Variants in NAA35 observed in about 807,000 individuals in gnomAD.
The protein encoded by NAA35 is MAK10 homolog, amino-acid N-acetyltransferase subunit.
A neutral mutation model predicts 101.7 loss-of-function variants in NAA35; 18 were observed. The observed-to-expected ratio is 0.18, with a 90% CI of 0.12 to 0.26. The LOEUF (loss-of-function observed/expected upper bound fraction) is 0.26. NAA35 is among the 10% of genes least tolerant of loss of function. The pLI, the probability that NAA35 is intolerant of heterozygous loss-of-function variation, is 1.00. For synonymous variants in NAA35, 267 were observed against 273.1 expected (o/e 0.98, Z 0.22); for missense variants, 601 against 886.8 (o/e 0.68, Z 4.09).
intron 21 of NAA35, among the ~76,000 whole-genome samples, chr9:86,020,612 G>A (rs1354957216): frequency 1.3e-5 from 2 of 152,150 alleles, no homozygotes; most frequent in African/African-American, 4.8e-5. Flanking sequence ...GGGAGGCCAG[G>A]GTGGGAGGTC....
intron 2 of NAA35, among the ~76,000 whole-genome samples, chr9:85,952,654 A>AT (rs145927233): frequency 3.3e-5 from 5 of 151,348 alleles, no homozygotes; most frequent in African/African-American, 1.2e-4. Flanking sequence ...TCTGCTTCCC[A>AT]TTTTTTTCAA....
At chr9:85,962,966 A>G (rs1028099391) in intron 6 of NAA35, among the ~76,000 whole-genome samples, 1 of 152,176 alleles carries the variant, frequency 6.6e-6, no homozygotes, top group Non-Finnish European at 1.5e-5. Flanking sequence ...CTTTAGTATA[A>G]AAAATAAGCT....
chr9:85,989,044 G>C (rs1310082015), intron 11 of NAA35, among the ~76,000 whole-genome samples: 1 of 152,172 alleles, frequency 6.6e-6, no homozygotes, highest in Non-Finnish European at 1.5e-5. Flanking sequence ...AGGATAAATT[G>C]ATAAAGAATT....
At chr9:85,961,910 C>A in intron 5 of NAA35, 103 bp from the exon 6 acceptor site, 2 of 739,788 alleles carry the variant, frequency 2.7e-6, no homozygotes, top group East Asian at 3.0e-5. Context: ...TGTGATTAAT[C>A]TTATTTGGGT....
At chr9:85,983,526 TGAAA>T (rs1336019446) in intron 11 of NAA35, among the ~76,000 whole-genome samples, 5 of 151,616 alleles carry the variant, frequency 3.3e-5, no homozygotes, top group Middle Eastern at 3.4e-3. Flanking sequence ...ATCTCTAGCC[TGAAA>T]GAAAGAATAA....
In NAA35 at chr9:86,021,934, T is replaced by C; in HGVS notation, c.2152T>C (p.Tyr718His). The C allele has an allele frequency of 6.2e-7, 1 of 1,613,730 alleles. No individual in the cohort carries two copies. Among genetic ancestry groups the C allele is most frequent in the Non-Finnish European group, 8.5e-7 (1 of 1,179,820 alleles). ...PPEFDFSAHK[Y>H]FPVVKLV ...TGAATTTGATTTCTCTGCTCATAAA[T>C]ATTTTCCTGTTGTGAAACTTGTTTG... Residue 718 changes from tyrosine (Y) to histidine (H), a missense_variant, in exon 23 of 23, where the codon TAT becomes CAT. By Grantham distance (83) the Tyr-to-His change is moderately conservative (BLOSUM62 2). Coordinates refer to ENST00000361671, the MANE Select transcript of NAA35 (RefSeq NM_024635.4).
intron 11 of NAA35, among the ~76,000 whole-genome samples, chr9:85,983,103 C>A (rs1830500432): frequency 6.6e-6 from 1 of 152,144 alleles, no homozygotes; most frequent in Non-Finnish European, 1.5e-5. Flanking sequence ...CTGAACCTCA[C>A]AATACTAAAA....
At chr9:85,955,598 C>T (rs1021979020) in intron 2 of NAA35, among the ~76,000 whole-genome samples, 4 of 151,808 alleles carry the variant, frequency 2.6e-5, no homozygotes, top group African/African-American at 9.7e-5. Flanking sequence ...CTCCTGACCT[C>T]GTGATCCACC....
chr9:85,961,883 CTT>C (rs1012956273), intron 5 of NAA35, 128 bp from the exon 6 acceptor site: 10 of 551,120 alleles, frequency 1.8e-5, no homozygotes, highest in South Asian at 1.2e-4. Flanking sequence ...TCTAACGTGT[CTT>C]TTTTTTTTAA....
At chr9:85,954,487 A>C (rs1268890489) in intron 2 of NAA35, among the ~76,000 whole-genome samples, 1 of 152,196 alleles carries the variant, frequency 6.6e-6, no homozygotes, top group Non-Finnish European at 1.5e-5. Context: ...CCACATCCTC[A>C]TAACACTTAT....
intron 13 of NAA35, 97 bp downstream of exon 13, chr9:86,003,741 G>T: frequency 3.0e-6 from 2 of 665,942 alleles, no homozygotes; most frequent in South Asian, 2.7e-5. Context: ...TGCTTTTAAA[G>T]GATTTTCCAG....
At chr9:85,988,209 AT>A (rs992956488) in intron 11 of NAA35, among the ~76,000 whole-genome samples, 54 of 152,360 alleles carry the variant, frequency 3.5e-4, no homozygotes, top group African/African-American at 1.2e-3. Flanking sequence ...CTTCAGTGAT[AT>A]CATAATCAAA....
At chr9:86,007,541 T>TAA (rs1564322270) in intron 14 of NAA35, 77 bp downstream of exon 14, 52 of 1,001,708 alleles carry the variant, frequency 5.2e-5, no homozygotes, top group Admixed American at 8.1e-5. Flanking sequence ...TCCTTCTTTA[T>TAA]AGCCAAAGTA....
rs1274104523 is a variant in NAA35 at position 85,996,403 on chromosome 9, T to A, written c.882T>A (p.His294Gln). Residue 294 changes from histidine (H) to glutamine (Q), a missense_variant, in exon 12 of 23, where the codon CAT becomes CAA. Physicochemically the swap from His to Gln is conservative, Grantham distance 24 (BLOSUM62 0). This residue lies in a region of NAA35 where 190 missense variants were observed against 223.1 expected (regional missense o/e 0.85). Transcript: ENST00000361671. Reference sequence around the variant, plus strand: ...CTTTCATTTTTTTCTTTTTAGATCATCCAATTATGATGGGTTTTGAACCCC... The same window carrying A: ...CTTTCATTTTTTTCTTTTTAGATCAACCAATTATGATGGGTTTTGAACCCC... ...QAQNDTTKGD[H>Q]PIMMGFEPLV... 6.4e-7 allele frequency: 1 copy of A among 1,573,706 alleles called. No homozygotes were observed. Among genetic ancestry groups the A allele is most frequent in the Non-Finnish European group, 8.6e-7 (1 of 1,168,330 alleles).
At chr9:86,016,704 A>T (rs1244854261) in intron 18 of NAA35, 29 bp downstream of exon 18, 3 of 1,596,482 alleles carry the variant, frequency 1.9e-6, no homozygotes, top group Non-Finnish European at 1.7e-6. Context: ...AAACTTAAGA[A>T]CAGAGTGTAC....
chr9:85,968,462 G>A (rs890753941), intron 6 of NAA35, among the ~76,000 whole-genome samples: 4 of 152,042 alleles, frequency 2.6e-5, no homozygotes, highest in Admixed American at 6.6e-5. Flanking sequence ...TGCCCACCTC[G>A]GGCCTCTCAA....
At chr9:85,996,831 G>T (rs370517509) in intron 12 of NAA35, among the ~76,000 whole-genome samples, 2 of 152,144 alleles carry the variant, frequency 1.3e-5, no homozygotes, top group Non-Finnish European at 2.9e-5. Flanking sequence ...TTAAGAAGCC[G>T]ATGTTGAAGG....
chr9:85,966,045 T>C (rs957992958), intron 6 of NAA35, among the ~76,000 whole-genome samples: 3 of 152,210 alleles, frequency 2.0e-5, no homozygotes, highest in Admixed American at 2.0e-4. Context: ...GCTCCAGCGA[T>C]ACTTTGTCTC....
chr9:86,003,455 T>TA, intron 12 of NAA35, 130 bp from the exon 13 acceptor site: 1 of 450,642 alleles, frequency 2.2e-6, no homozygotes. Context: ...AAATGACCTT[T>TA]ATTTGTCATA....
Sources: allele counts gnomAD v4.1 joint callset (sites outside exome capture counted in the v4.1 genomes callset), GRCh38; gene constraint gnomAD v4.1.1; regional missense constraint gnomAD v4.1.1; transcripts MANE v1.5; gene names NCBI Gene and HGNC (gene_info 2026-07-23, HGNC 2026-07-21).